The following LGR4 variants were observed in gnomAD, a reference collection of about 807,000 sequenced individuals.
The protein encoded by LGR4 is leucine rich repeat containing G protein-coupled receptor 4, also known as leucine-rich repeat-containing G protein-coupled receptor 4.
In LGR4, 44 loss-of-function variants were observed where a neutral mutation model predicts 84.8. The observed-to-expected ratio is 0.52, with a 90% CI of 0.41 to 0.67. The LOEUF is 0.67. Among genes scored for constraint, LGR4 ranks in the 30% least tolerant of loss-of-function variants. The probability of loss-of-function intolerance (pLI) is 0.00; values close to 1 mark genes in which losing one functional copy is unlikely to be tolerated. For synonymous variants in LGR4, 429 were observed against 434.3 expected (o/e 0.99, Z 0.15); for missense variants, 1,032 against 1,131.4 (o/e 0.91, Z 1.26).
chr11:27,429,325 A>C (rs1864075968), intron 1 of LGR4, among the ~76,000 whole-genome samples: 1 of 152,042 alleles, frequency 6.6e-6, no homozygotes, highest in African/African-American at 2.4e-5. Flanking sequence ...TCTTTAGTAA[A>C]AATACAAAAA....
rs1863090703 is a variant in LGR4 at position 27,381,411 on chromosome 11, C to T, written c.759-445G>A. Among the ~76,000 whole-genome samples the T allele has an allele frequency of 3.3e-5, 5 of 152,216 alleles. No individual in the cohort carries two copies. The South Asian group carries it at 1.0e-3, about 32-fold the overall frequency. On this transcript the variant is annotated intron_variant, in intron 7 of 17. Transcript: ENST00000379214. ...AAACCCGACGTCCAGAATGTTCCCT[C>T]AGGCAGGGCACAGTGGCTCACGCCT...
chr11:27,430,541 C>G (rs900507431), intron 1 of LGR4, among the ~76,000 whole-genome samples: 1 of 152,182 alleles, frequency 6.6e-6, no homozygotes, highest in Non-Finnish European at 1.5e-5. Flanking sequence ...TTAAGCTTTT[C>G]ATGGGCCTCC....
chr11:27,436,265 C>A (rs1013040658), intron 1 of LGR4, among the ~76,000 whole-genome samples: 3 of 151,324 alleles, frequency 2.0e-5, no homozygotes, highest in Non-Finnish European at 2.9e-5. Flanking sequence ...ATCTGAATAC[C>A]CAGACAATCT....
chr11:27,430,913 A>C (rs115357631), intron 1 of LGR4, among the ~76,000 whole-genome samples: 1,600 of 118,454 alleles, frequency 0.014, 22 homozygotes, highest in African/African-American at 0.048. Context: ...CCCAACCCCC[A>C]CAAGCACGCA....
chr11:27,412,736 A>C, intron 2 of LGR4, 53 bp downstream of exon 2: 1 of 1,108,040 alleles, frequency 9.0e-7, no homozygotes, highest in East Asian at 2.4e-5. Context: ...AAAAGCTTCC[A>C]AAATGAATTG....
At chr11:27,383,935 A>G (rs1318014654) in intron 6 of LGR4, among the ~76,000 whole-genome samples, 2 of 152,184 alleles carry the variant, frequency 1.3e-5, no homozygotes, top group Non-Finnish European at 1.5e-5. Flanking sequence ...TTGTAAAAGC[A>G]GATATAGTAT....
At chr11:27,414,611 T>C (rs534175630) in intron 1 of LGR4, among the ~76,000 whole-genome samples, 1 of 152,228 alleles carries the variant, frequency 6.6e-6, no homozygotes, top group East Asian at 1.9e-4. Context: ...CAAATTACTA[T>C]GCTTCTCTAG....
chr11:27,408,633 T>A (rs973645567), intron 2 of LGR4, among the ~76,000 whole-genome samples: 1 of 152,106 alleles, frequency 6.6e-6, no homozygotes. Context: ...TCTGACAACG[T>A]CACATCAGGC....
intron 1 of LGR4, among the ~76,000 whole-genome samples, chr11:27,417,511 A>G (rs1233725463): frequency 1.3e-5 from 2 of 152,174 alleles, no homozygotes; most frequent in East Asian, 1.9e-4. Context: ...GTCTCTCTCA[A>G]CCACAAGTAG....
Position 27,368,672 on chromosome 11 carries a change from C to T in LGR4, c.2051G>A (p.Arg684Lys). 1.2e-6 allele frequency: 2 copies of T among 1,613,540 alleles called. No homozygotes were observed. Among genetic ancestry groups the T allele is most frequent in the Non-Finnish European group, 1.7e-6 (2 of 1,179,648 alleles). The change falls in exon 18 of 18, where the codon AGA (arginine) becomes AAA (lysine). Residue 684 changes from arginine (R) to lysine (K), a missense_variant. Transcript: ENST00000379214. ...TVAGCFPLFH[R>K]GEYSASPLCL... is the part of the protein sequence containing the mutation. ...AAGGGGTGATGCAGAATATTCCCCT[C>T]TATGGAAAAGGGGAAAACAGCCTGC...
At chr11:27,452,659 T>G (rs958924172) in intron 1 of LGR4, among the ~76,000 whole-genome samples, 2 of 146,716 alleles carry the variant, frequency 1.4e-5, no homozygotes, top group African/African-American at 5.1e-5. Context: ...ACAGAGTCTC[T>G]GTCGCCCCGG....
Position 27,400,983 on chromosome 11 carries a change from C to A in LGR4, c.258-8465G>T, listed in dbSNP as rs146734253. On this transcript the variant is annotated intron_variant, in intron 2 of 17. Coordinates refer to ENST00000379214, the MANE Select transcript of LGR4 (RefSeq NM_018490.5). ...TCCTATATCAACTAATGATGTACTACCCCATTTCTTCACATACTAGGGAAG... is the reference window on the plus strand; with the variant it reads ...TCCTATATCAACTAATGATGTACTAACCCATTTCTTCACATACTAGGGAAG... Among the ~76,000 whole-genome samples, 759 of 152,236 alleles carry A rather than the reference C, an allele frequency of 5.0e-3. 9 individuals are homozygous for A. The highest frequency in any genetic ancestry group is 0.018 in the African/African-American group (731 of 41,550).
Position 27,430,384 on chromosome 11 carries a change from A to G in LGR4, c.186-17524T>C, listed in dbSNP as rs61887838. ...TCTCAGAGAACAAGTTGCCCTGGAC[A>G]GCCAAGCTTTCCAGATAGCTGAGGT... On this transcript the variant is annotated intron_variant, in intron 1 of 17. Coordinates refer to ENST00000379214, the MANE Select transcript of LGR4 (RefSeq NM_018490.5). Among the ~76,000 whole-genome samples the G allele has an allele frequency of 5.0e-3, 760 of 152,286 alleles. 5 individuals carry two copies. The highest frequency in any genetic ancestry group is 0.01 in the Middle Eastern group (3 of 294).
intron 2 of LGR4, among the ~76,000 whole-genome samples, chr11:27,396,490 T>G (rs1863393804): frequency 1.3e-5 from 2 of 152,210 alleles, no homozygotes; most frequent in Admixed American, 1.3e-4. Context: ...TCAGTGAGAC[T>G]TAGTTAAGGA....
intron 16 of LGR4, among the ~76,000 whole-genome samples, 167 bp from the exon 17 acceptor site, chr11:27,371,865 T>G (rs2133361139): frequency 6.6e-6 from 1 of 152,232 alleles, no homozygotes; most frequent in South Asian, 2.1e-4. Context: ...TTTTTTGGTT[T>G]TGGTTTTTTT....
intron 1 of LGR4, among the ~76,000 whole-genome samples, chr11:27,463,636 A>G (rs912396245): frequency 2.0e-5 from 3 of 151,882 alleles, no homozygotes; most frequent in Non-Finnish European, 2.9e-5. Flanking sequence ...AAATACAAAA[A>G]TCAGCCGGGT....
At chr11:27,460,211 G>C (rs79933934) in intron 1 of LGR4, among the ~76,000 whole-genome samples, 1,704 of 152,250 alleles carry the variant, frequency 0.011, 47 homozygotes, top group Non-Finnish European at 1.0e-2. Flanking sequence ...ACAGACCAAA[G>C]CCCTCAATGC....
chr11:27,426,233 T>C (rs1377545689), intron 1 of LGR4, among the ~76,000 whole-genome samples: 2 of 152,298 alleles, frequency 1.3e-5, no homozygotes, highest in East Asian at 3.9e-4. Context: ...TAAAGAGCGT[T>C]AACGACAGAT....
chr11:27,412,741 G>T, intron 2 of LGR4, 48 bp downstream of exon 2: 1 of 1,120,734 alleles, frequency 8.9e-7, no homozygotes, highest in Non-Finnish European at 1.4e-6. Context: ...CTTCCAAAAT[G>T]AATTGGGGAA....
Sources: allele counts gnomAD v4.1 joint callset (sites outside exome capture counted in the v4.1 genomes callset), GRCh38; gene constraint gnomAD v4.1.1; transcripts MANE v1.5; gene names NCBI Gene and HGNC (gene_info 2026-07-23, HGNC 2026-07-21).